TBC1D19: variants seen among roughly 807,000 people sequenced by gnomAD.
TBC1D19 encodes TBC1 domain family member 19.
In TBC1D19, 60 loss-of-function variants were observed where a neutral mutation model predicts 89.0. The observed-to-expected ratio is 0.67, with a 90% CI of 0.55 to 0.84. The LOEUF (loss-of-function observed/expected upper bound fraction) is 0.84, where lower values mean the gene tolerates loss of function less well. TBC1D19 is among the 40% of genes least tolerant of loss of function. The pLI is 0.00. For synonymous variants in TBC1D19, 189 were observed against 199.7 expected, an observed-to-expected ratio of 0.95 and a Z score of 0.45; for missense variants, 500 against 610.8, an observed-to-expected ratio of 0.82 and a Z score of 1.91.
intron 4 of TBC1D19, among the ~76,000 whole-genome samples, chr4:26,628,608 C>G (rs1306448644): frequency 6.6e-6 from 1 of 152,054 alleles, no homozygotes; most frequent in Non-Finnish European, 1.5e-5. Flanking sequence ...ATCTAGAAAA[C>G]CCCACTGTCT....
At chr4:26,602,476 C>T (rs1319992394) in intron 1 of TBC1D19, among the ~76,000 whole-genome samples, 1 of 116,218 alleles carries the variant, frequency 8.6e-6, no homozygotes, top group Non-Finnish European at 1.6e-5. Flanking sequence ...GAGACTTGCT[C>T]TGTCACCCAG....
intron 15 of TBC1D19, among the ~76,000 whole-genome samples, chr4:26,724,706 C>G (rs1193309831): frequency 6.6e-6 from 1 of 152,152 alleles, no homozygotes; most frequent in African/African-American, 2.4e-5. Flanking sequence ...CTGTTTACAA[C>G]TGTATGTTAG....
the TBC1D19 span, among the ~76,000 whole-genome samples, chr4:26,776,041 C>T: frequency 3.3e-5 from 5 of 152,260 alleles, no homozygotes; most frequent in African/African-American, 1.2e-4. Context: ...TACTTGCCAT[C>T]AGGTATGACA....
At chr4:26,802,778 T>G in the TBC1D19 span, among the ~76,000 whole-genome samples, 3 of 152,248 alleles carry the variant, frequency 2.0e-5, no homozygotes, top group African/African-American at 7.2e-5. Context: ...AATGATAATG[T>G]ATTAGCTCAA....
chr4:26,614,742 T>A (rs1029963469), intron 3 of TBC1D19, among the ~76,000 whole-genome samples: 1 of 152,140 alleles, frequency 6.6e-6, no homozygotes, highest in African/African-American at 2.4e-5. Context: ...AGTGCAATGA[T>A]CTTGGCTTAA....
At chr4:26,759,688 T>C (rs1298474181), downstream of TBC1D19, among the ~76,000 whole-genome samples, 3 of 152,200 alleles carry the variant, frequency 2.0e-5, no homozygotes, top group East Asian at 5.8e-4. Context: ...GATTCATCTT[T>C]TCTAGAGTTT....
In TBC1D19 at chr4:26,651,816, T is replaced by G. The variant is rs1167855087; in HGVS notation, c.481-7781T>G. Among the ~76,000 whole-genome samples the G allele has an allele frequency of 2.0e-5, 3 of 152,140 alleles. No individual in the cohort carries two copies. In the East Asian group the frequency reaches 5.8e-4, roughly 29 times the overall value. ...AGTTTTCAAAGGGAATTCTTCCAGT[T>G]TTTGTCCATTCAGTATGATATTGGC... On this transcript the variant is annotated intron_variant, in intron 7 of 20. Coordinates refer to ENST00000264866, the MANE Select transcript of TBC1D19 (RefSeq NM_018317.4).
Position 26,694,894 on chromosome 4 carries a change from C to T in TBC1D19, c.954+6487C>T, listed in dbSNP as rs370589000. ...CATCCACACCAAAATCCCATCTATACGTCACCATCATCAAAGACCAAAGGT... is the reference window on the plus strand; with the variant it reads ...CATCCACACCAAAATCCCATCTATATGTCACCATCATCAAAGACCAAAGGT... On this transcript the variant is annotated intron_variant, in intron 13 of 20. Transcript: ENST00000264866. Among the ~76,000 whole-genome samples the T allele has an allele frequency of 9.2e-5, 14 of 152,272 alleles. 1 individual carries two copies. The South Asian group carries it at 2.1e-3, about 23-fold the overall frequency.
intron 9 of TBC1D19, among the ~76,000 whole-genome samples, chr4:26,668,108 G>A (rs1462117507): frequency 2.6e-5 from 4 of 151,794 alleles, no homozygotes; most frequent in Admixed American, 2.0e-4. Flanking sequence ...GCTACCCTGT[G>A]CTGCCTCCCT....
intron 11 of TBC1D19, among the ~76,000 whole-genome samples, chr4:26,682,952 T>G (rs1713484737): frequency 6.6e-6 from 1 of 152,096 alleles, no homozygotes; most frequent in Non-Finnish European, 1.5e-5. Flanking sequence ...ATTTATTTAT[T>G]TATTTATTTT....
At chr4:26,734,984 ATATGTATATATGTATACACATATG>A (rs1221771901) in intron 15 of TBC1D19, among the ~76,000 whole-genome samples, 1 of 150,406 alleles carries the variant, frequency 6.6e-6, no homozygotes, top group Non-Finnish European at 1.5e-5. Context: ...ACACATATGT[ATATGTATATATGTATACACATATG>A]TATATGTGTA....
chr4:26,621,480 C>G (rs1181510588), intron 4 of TBC1D19, among the ~76,000 whole-genome samples: 1 of 152,144 alleles, frequency 6.6e-6, no homozygotes, highest in Non-Finnish European at 1.5e-5. Context: ...TGGAATATTT[C>G]AAAGGTACCT....
chr4:26,847,796 G>A, the TBC1D19 span, among the ~76,000 whole-genome samples: 1 of 152,246 alleles, frequency 6.6e-6, no homozygotes, highest in South Asian at 2.1e-4. Flanking sequence ...AGTGGTACCT[G>A]TAAGGTGGTA....
At chr4:26,576,782 A>C (rs1738983613) in exon 1 of TBC1D19, 1 of 456,282 alleles carries the variant, frequency 2.2e-6, no homozygotes, top group Non-Finnish European at 4.4e-6. Context: ...CAGTAAAATA[A>C]GACTCTGGGA....
intron 19 of TBC1D19, among the ~76,000 whole-genome samples, chr4:26,752,485 A>G (rs1024818656): frequency 7.2e-5 from 11 of 152,044 alleles, no homozygotes; most frequent in East Asian, 5.8e-4. Context: ...GGCTCACACA[A>G]TCCTCCTGTC....
intron 15 of TBC1D19, among the ~76,000 whole-genome samples, chr4:26,729,638 A>G (rs567033333): frequency 2.4e-4 from 37 of 152,348 alleles, no homozygotes; most frequent in African/African-American, 8.9e-4. Flanking sequence ...GATACTGGTG[A>G]TGATAAATAA....
At chr4:26,778,655 C>A in the TBC1D19 span, among the ~76,000 whole-genome samples, 15 of 152,224 alleles carry the variant, frequency 9.9e-5, 1 homozygote, top group East Asian at 2.9e-3. Context: ...GATGGTCACT[C>A]TCATATGCCT....
At chr4:26,659,902 C>T (rs1745117488) in intron 8 of TBC1D19, among the ~76,000 whole-genome samples, 195 bp downstream of exon 8, 2 of 152,080 alleles carry the variant, frequency 1.3e-5, no homozygotes, top group Admixed American at 6.6e-5. Flanking sequence ...AATGAGTTCA[C>T]ATTGACATAT....
At chr4:26,842,437 T>C in the TBC1D19 span, among the ~76,000 whole-genome samples, 1 of 139,194 alleles carries the variant, frequency 7.2e-6, no homozygotes, top group Non-Finnish European at 1.5e-5. Context: ...CTCCAACTCC[T>C]GGGCACAGGT....
Sources: allele counts gnomAD v4.1 joint callset (sites outside exome capture counted in the v4.1 genomes callset), GRCh38; gene constraint gnomAD v4.1.1; transcripts MANE v1.5; gene names NCBI Gene and HGNC (gene_info 2026-07-23, HGNC 2026-07-21).